The following BUB3 variants were observed in gnomAD, a reference collection of about 807,000 sequenced individuals.
BUB3 encodes the protein mitotic checkpoint protein BUB3.
Under a neutral mutation model 39.9 loss-of-function variants are expected in BUB3, and 22 were observed. The ratio of observed to expected loss-of-function variants is 0.55; its 90% CI spans 0.39 to 0.79. The LOEUF (loss-of-function observed/expected upper bound fraction) is 0.79. Ranked by LOEUF, BUB3 falls within the 30% of genes least tolerant of loss-of-function variation. The pLI, the probability that BUB3 is intolerant of heterozygous loss-of-function variation, is 0.00. For synonymous variants in BUB3, 168 were observed against 155.1 expected (o/e 1.08, Z -0.62); for missense variants, 303 against 415.4 (o/e 0.73, Z 2.35).
chr10:123,157,638 G>C, intron 3 of BUB3, 91 bp from the exon 4 acceptor site: 1 of 1,417,726 alleles, frequency 7.1e-7, no homozygotes, highest in Non-Finnish European at 9.4e-7. Flanking sequence ...ACAGTTGAAT[G>C]AATGTTTCTT....
chr10:123,161,101 A>C (rs776076746), intron 5 of BUB3, among the ~76,000 whole-genome samples: 2 of 151,928 alleles, frequency 1.3e-5, no homozygotes, highest in Non-Finnish European at 2.9e-5. Context: ...CTCTTGATGT[A>C]CAGGGTGGGT....
In BUB3 at chr10:123,162,344, A is replaced by T. The variant is rs1434509351; in HGVS notation, c.685A>T (p.Asn229Tyr). ...YAFKCHRLKE[N>Y]NIEQIYPVNA... The stretch of plus-strand genomic sequence containing the variant: ...CTTCAAATGTCACAGACTAAAAGAA[A>T]ATAATATTGAGCAGATTTACCCAGT... Residue 229 changes from asparagine (N) to tyrosine (Y), a missense_variant, in exon 6 of 8, where the codon AAT becomes TAT. Physicochemically the swap from Asn to Tyr is moderately radical, Grantham distance 143. Around this residue, in one of 2 missense-constraint regions of BUB3, gnomAD observed 182 missense variants for 293.1 expected, o/e 0.62. Transcript: ENST00000368865. The T allele has an allele frequency of 6.2e-7, 1 of 1,614,148 alleles. No individual in the cohort carries two copies. Among genetic ancestry groups the T allele is most frequent in the Admixed American group, 1.7e-5 (1 of 60,026 alleles).
Position 123,165,261 on chromosome 10 carries a change from C to G in BUB3, c.*1426C>G, listed in dbSNP as rs558020639. The G allele has an allele frequency of 1.4e-4, 72 of 527,452 alleles. 1 individual carries two copies. In the Middle Eastern group the frequency reaches 1.5e-3, roughly 11 times the overall value. The allele number at this position is 527,452 out of a possible 1,614,324, so 32.7% of individuals were successfully genotyped here. A position where few individuals can be genotyped will look rare whatever the true frequency, so the allele number is the denominator to read the frequency against. On this transcript the variant is annotated 3_prime_UTR_variant, in exon 8 of 8. Coordinates refer to ENST00000368865, the MANE Select transcript of BUB3 (RefSeq NM_004725.4). ...TAGTCTGACGTATTTCCCCTTCTGT[C>G]CCCTAGTAAGCCCAGTTGCTGTATC...
At chr10:123,158,623 T>A (rs1844380931) in intron 4 of BUB3, among the ~76,000 whole-genome samples, 1 of 152,236 alleles carries the variant, frequency 6.6e-6, no homozygotes, top group African/African-American at 2.4e-5. Flanking sequence ...TAGCCATCAT[T>A]ATTTACAATA....
rs1428747617 is a variant in BUB3 at position 123,169,411 on chromosome 10, C to T, written c.*5576C>T. On this transcript the variant is annotated 3_prime_UTR_variant, in exon 8 of 8. Coordinates refer to ENST00000368865, the MANE Select transcript of BUB3 (RefSeq NM_004725.4). Reference sequence around the variant, plus strand: ...GTGATGTGCCAGCCACTGCTAGGTTCTGGGGCTCAAAACACTGTGACAGAT... The same window carrying T: ...GTGATGTGCCAGCCACTGCTAGGTTTTGGGGCTCAAAACACTGTGACAGAT... 2.0e-5 allele frequency: 3 copies of T among 152,238 alleles called. No individual in the cohort carries two copies. Among genetic ancestry groups the T allele is most frequent in the African/African-American group, 4.8e-5 (2 of 41,460 alleles). The allele number at this position is 152,238 out of a possible 1,614,324, so 9.4% of individuals were successfully genotyped here.
intron 7 of BUB3, 90 bp downstream of exon 7, chr10:123,162,918 G>A: frequency 8.2e-7 from 1 of 1,221,714 alleles, no homozygotes. Context: ...CATTGTTGAT[G>A]CCTGCTCGAT....
At position 123,167,147 on chromosome 10, in the gene BUB3, T is replaced by C. The variant is rs1191757165; in HGVS notation, c.*3312T>C. Reference sequence around the variant, plus strand: ...TTTTCTGGTCTTGTTCCCACAATCATTTTACCTTTTACCACTCCCCCAGAA... The same window carrying C: ...TTTTCTGGTCTTGTTCCCACAATCACTTTACCTTTTACCACTCCCCCAGAA... On this transcript the variant is annotated 3_prime_UTR_variant, in exon 8 of 8. Transcript: ENST00000368865. 1 of 152,210 alleles carries C rather than the reference T, an allele frequency of 6.6e-6. No individual in the cohort carries two copies. Among genetic ancestry groups the C allele is most frequent in the Non-Finnish European group, 1.5e-5 (1 of 68,048 alleles). 9.4% of individuals were successfully genotyped at this position (152,210 alleles called of 1,614,324 possible).
chr10:123,170,351 A>G lies in BUB3; in HGVS notation c.*6516A>G. The stretch of plus-strand genomic sequence containing the variant: ...TTTTCTGTTAAAATATTTATGAACT[A>G]TTTCAAACATTCAGAAAAACTCAGG... On this transcript the variant is annotated 3_prime_UTR_variant, in exon 8 of 8. Coordinates refer to ENST00000368865, the MANE Select transcript of BUB3 (RefSeq NM_004725.4). The G allele has an allele frequency of 6.6e-6, 1 of 152,180 alleles. No homozygotes were observed. Among genetic ancestry groups the G allele is most frequent in the East Asian group, 1.9e-4 (1 of 5,196 alleles). 9.4% of individuals were successfully genotyped at this position (152,180 alleles called of 1,614,324 possible). A position where few individuals can be genotyped will look rare whatever the true frequency, so the allele number is the denominator to read the frequency against.
chr10:123,162,024 C>T (rs548520820), intron 5 of BUB3, among the ~76,000 whole-genome samples: 1 of 152,162 alleles, frequency 6.6e-6, no homozygotes, highest in South Asian at 2.1e-4. Flanking sequence ...TGTGCAAGGC[C>T]CTGGTACCTG....
rs1844483462 is a variant in BUB3 at position 123,165,652 on chromosome 10, A to C, written c.*1817A>C. On this transcript the variant is annotated 3_prime_UTR_variant, in exon 8 of 8. Transcript: ENST00000368865. ...TCAGGATGGGCAGAGACTATGTGGC[A>C]GCCTCTGGGGACCTTTTGGCTCAGT... is the stretch of plus-strand genomic sequence containing the variant. 6.6e-6 allele frequency: 1 copy of C among 152,302 alleles called. No homozygotes were observed. The allele number at this position is 152,302 out of a possible 1,614,324, so 9.4% of individuals were successfully genotyped here.
rs1844454360 is a variant in BUB3, at chr10:123,163,840, A to T, written c.*5A>T. ...TGTAGGTCACCATGTACTTGACAAG[A>T]TTTCATTTACTTAAGTGCCATGTTG... On this transcript the variant is annotated 3_prime_UTR_variant, in exon 8 of 8. Transcript: ENST00000368865. The T allele has an allele frequency of 1.2e-6, 2 of 1,607,936 alleles. No homozygotes were observed. The highest frequency in any genetic ancestry group is 1.3e-5 in the African/African-American group (1 of 74,676).
intron 4 of BUB3, among the ~76,000 whole-genome samples, chr10:123,158,659 G>A (rs1589689457): frequency 6.6e-6 from 1 of 152,230 alleles, no homozygotes; most frequent in East Asian, 1.9e-4. Context: ...CATTATTTTT[G>A]TCACATCACA....
rs1564782334 is a variant in BUB3, at chr10:123,157,779, C to A, written c.316C>A (p.Pro106Thr). 2 of 1,613,704 alleles carry A rather than the reference C, an allele frequency of 1.2e-6. No homozygotes were observed. The highest frequency in any genetic ancestry group is 1.7e-6 in the Non-Finnish European group (2 of 1,179,930). ...CCCTATCAGATGTGTTGAATACTGT[C>A]CAGAAGTGAATGTGATGGTCACTGG... Reference protein sequence around the residue: ...DAPIRCVEYCPEVNVMVTGSW... With the variant: ...DAPIRCVEYCTEVNVMVTGSW... The change falls in exon 4 of 8, where the codon CCA (proline) becomes ACA (threonine). Residue 106 changes from proline (P) to threonine (T), a missense_variant. By Grantham distance (38) the Pro-to-Thr change is conservative. This residue lies in a region of BUB3 where 182 missense variants were observed against 293.1 expected (regional missense o/e 0.62). Transcript: ENST00000368865.
At chr10:123,158,758 A>G (rs1276903230) in intron 4 of BUB3, among the ~76,000 whole-genome samples, 1 of 152,256 alleles carries the variant, frequency 6.6e-6, no homozygotes, top group Non-Finnish European at 1.5e-5. Flanking sequence ...TAACATGTTA[A>G]GAACTGTGAT....
In BUB3 at chr10:123,164,966, G is replaced by T. The variant is rs1844470564; in HGVS notation, c.*1131G>T. Reference sequence around the variant, plus strand: ...TTTAATTCTTTTGATACAGAGAAGGGTCTTTTTTTTTTTAAGTATTTCAGT... The same window carrying T: ...TTTAATTCTTTTGATACAGAGAAGGTTCTTTTTTTTTTTAAGTATTTCAGT... On this transcript the variant is annotated 3_prime_UTR_variant, in exon 8 of 8. Coordinates refer to ENST00000368865, the MANE Select transcript of BUB3 (RefSeq NM_004725.4). The T allele has an allele frequency of 5.3e-6, 8 of 1,510,862 alleles. No individual in the cohort carries two copies. Among genetic ancestry groups the T allele is most frequent in the South Asian group, 1.3e-5 (1 of 78,690 alleles). 93.6% of individuals were successfully genotyped at this position (1,510,862 alleles called of 1,614,324 possible).
intron 3 of BUB3, 105 bp from the exon 4 acceptor site, chr10:123,157,624 C>A: frequency 1.5e-6 from 2 of 1,357,624 alleles, no homozygotes; most frequent in Non-Finnish European, 9.9e-7. Flanking sequence ...GAGGCAAATT[C>A]ATTACAGTTG....
rs369446752 is a variant in BUB3, at chr10:123,167,842, A to G, written c.*4007A>G. On this transcript the variant is annotated 3_prime_UTR_variant, in exon 8 of 8. Transcript: ENST00000368865. ...GTATATAATGTTTTGATACATGTATACATTGTGAAATGATTACCACAAGGA... is the reference window on the plus strand; with the variant it reads ...GTATATAATGTTTTGATACATGTATGCATTGTGAAATGATTACCACAAGGA... 2 of 152,232 alleles carry G rather than the reference A, an allele frequency of 1.3e-5. No homozygotes were observed. Among genetic ancestry groups the G allele is most frequent in the East Asian group, 3.8e-4 (2 of 5,202 alleles). The allele number at this position is 152,232 out of a possible 1,614,324, so 9.4% of individuals were successfully genotyped here. A position where few individuals can be genotyped will look rare whatever the true frequency, so the allele number is the denominator to read the frequency against.
In BUB3 at chr10:123,165,414, G is replaced by GT. The variant is rs1388528483; in HGVS notation, c.*1579_*1580insT. 5.2e-6 allele frequency: 1 copy of GT among 190,840 alleles called. No homozygotes were observed. Among genetic ancestry groups the GT allele is most frequent in the African/African-American group, 2.3e-5 (1 of 42,926 alleles). 11.8% of individuals were successfully genotyped at this position (190,840 alleles called of 1,614,324 possible). A position where few individuals can be genotyped will look rare whatever the true frequency, so the allele number is the denominator to read the frequency against. The stretch of plus-strand genomic sequence containing the variant: ...TAATTAATATAATTTACTTAAAAAG[G>GT]CTTGTGTAAGGCAAAACTCGTCATC... On this transcript the variant is annotated 3_prime_UTR_variant, in exon 8 of 8. Coordinates refer to ENST00000368865, the MANE Select transcript of BUB3 (RefSeq NM_004725.4).
chr10:123,162,228 C>T lies in BUB3; in HGVS notation c.577-8C>T. ...TACCATTTTTTTCCTCTGGTTCTCT[C>T]TTGGCAGGGTTATGTATTAAGCTCT... On this transcript the variant is annotated splice_polypyrimidine_tract_variant and splice_region_variant and intron_variant, in intron 5 of 7. Transcript: ENST00000368865. The T allele has an allele frequency of 6.2e-7, 1 of 1,601,576 alleles. No homozygotes were observed.
Sources: allele counts gnomAD v4.1 joint callset (sites outside exome capture counted in the v4.1 genomes callset), GRCh38; gene constraint gnomAD v4.1.1; regional missense constraint gnomAD v4.1.1; transcripts MANE v1.5; gene names NCBI Gene and HGNC (gene_info 2026-07-23, HGNC 2026-07-21).